EIF2AK4: variants seen among roughly 807,000 people sequenced by gnomAD.
EIF2AK4 encodes eIF-2-alpha kinase GCN2.
In EIF2AK4, 139 loss-of-function variants were observed where a neutral mutation model predicts 211.1. That is an observed-to-expected ratio of 0.66 (90% CI 0.57 to 0.76). The LOEUF (loss-of-function observed/expected upper bound fraction) is 0.76, where lower values mean the gene tolerates loss of function less well. Among genes scored for constraint, EIF2AK4 ranks in the 30% least tolerant of loss-of-function variants. EIF2AK4 has a pLI of 0.00. For synonymous variants in EIF2AK4, 710 were observed against 751.3 expected (o/e 0.94, Z 0.90); for missense variants, 1,664 against 2,043.8 (o/e 0.81, Z 3.58).
chr15:39,951,093 A>T (rs1015408989), intron 4 of EIF2AK4, among the ~76,000 whole-genome samples: 5 of 152,246 alleles, frequency 3.3e-5, no homozygotes, highest in Admixed American at 2.6e-4. Context: ...CCCATAGGAA[A>T]AAAATATTTA....
chr15:39,956,899 A>T (rs1396199858), intron 6 of EIF2AK4, among the ~76,000 whole-genome samples: 1 of 152,194 alleles, frequency 6.6e-6, no homozygotes, highest in Non-Finnish European at 1.5e-5. Context: ...GAGCCATTTT[A>T]GTTCTTTCCC....
chr15:39,968,341 C>T (rs2034573500), intron 9 of EIF2AK4, among the ~76,000 whole-genome samples: 2 of 152,278 alleles, frequency 1.3e-5, no homozygotes, highest in Admixed American at 1.3e-4. Context: ...AAATAACTTC[C>T]TTAGTCTAGC....
intron 9 of EIF2AK4, among the ~76,000 whole-genome samples, chr15:39,970,591 G>A (rs1206677901): frequency 2.0e-5 from 3 of 152,032 alleles, no homozygotes; most frequent in African/African-American, 7.2e-5. Context: ...AATGAAAAAA[G>A]CAAGCTGAAG....
chr15:39,976,485 C>A lies in EIF2AK4; in HGVS notation c.1890C>A (p.Phe630Leu). 6.2e-7 allele frequency: 1 copy of A among 1,611,936 alleles called. No individual in the cohort carries two copies. The change falls in exon 12 of 39, where the codon TTC (phenylalanine) becomes TTA (leucine). Residue 630 changes from phenylalanine to leucine, a missense_variant. Around this residue, in one of 7 missense-constraint regions of EIF2AK4, gnomAD observed 37 missense variants for 84.0 expected, o/e 0.44. Transcript: ENST00000263791. ...CCATCAACCCGGCCAGCCGGCAGTT[C>A]CGCAGGATCAAGGGCGAAGTGACAC... Reference protein sequence around the residue: ...RIPINPASRQFRRIKGEVTLL... With the variant: ...RIPINPASRQLRRIKGEVTLL...
chr15:40,017,539 A>G lies in EIF2AK4; in HGVS notation c.4065+297A>G, dbSNP rs1321315615. ...TATATATATATATATATATATATATATATATATATATATATGTATTTTGGA... is the reference window on the plus strand; with the variant it reads ...TATATATATATATATATATATATATGTATATATATATATATGTATTTTGGA... On this transcript the variant is annotated intron_variant, in intron 29 of 38. Coordinates refer to ENST00000263791, the MANE Select transcript of EIF2AK4 (RefSeq NM_001013703.4). 2.3e-3 allele frequency among the ~76,000 whole-genome samples: 111 copies of G among 49,092 alleles called. 8 individuals carry two copies. The highest frequency in any genetic ancestry group is 6.2e-3 in the African/African-American group (93 of 14,920). 32.2% of individuals were successfully genotyped at this position (49,092 alleles called of 152,430 possible).
chr15:39,985,481 A>G (rs542240848), intron 13 of EIF2AK4, among the ~76,000 whole-genome samples: 197 of 152,340 alleles, frequency 1.3e-3, no homozygotes, highest in African/African-American at 4.6e-3. Context: ...CAAATAAACT[A>G]GAAAATCTAG....
In EIF2AK4 at chr15:40,017,501, C is replaced by CTATATATATATATA. The variant is rs202237104; in HGVS notation, c.4065+299_4065+312dup. Reference sequence around the variant, plus strand: ...GGCTCATGTACCCTTTACTCTGTTTCTATATATATATATATATATATATAT... The same window carrying CTATATATATATATA: ...GGCTCATGTACCCTTTACTCTGTTTCTATATATATATATATATATATATATATATATATATATAT... On this transcript the variant is annotated intron_variant, in intron 29 of 38. Coordinates refer to ENST00000263791, the MANE Select transcript of EIF2AK4 (RefSeq NM_001013703.4). Among the ~76,000 whole-genome samples the CTATATATATATATA allele has an allele frequency of 6.1e-4, 16 of 26,068 alleles. 1 individual carries two copies. Among genetic ancestry groups the CTATATATATATATA allele is most frequent in the South Asian group, 1.3e-3 (1 of 774 alleles). 17.1% of individuals were successfully genotyped at this position (26,068 alleles called of 152,430 possible).
In EIF2AK4 at chr15:39,939,712, C is replaced by T. The variant is rs1179480009; in HGVS notation, c.257+95C>T. ...AATTCGTAGTATTTTCTCCTTCCTGCTCCCATTCCACATAAAATTTCATTT... is the reference window on the plus strand; with the variant it reads ...AATTCGTAGTATTTTCTCCTTCCTGTTCCCATTCCACATAAAATTTCATTT... On this transcript the variant is annotated intron_variant, in intron 2 of 38. Coordinates refer to ENST00000263791, the MANE Select transcript of EIF2AK4 (RefSeq NM_001013703.4). 3 of 924,254 alleles carry T rather than the reference C, an allele frequency of 3.2e-6. No individual in the cohort carries two copies. The African/African-American group carries it at 5.1e-5, about 16-fold the overall frequency. The allele number at this position is 924,254 out of a possible 1,614,324, so 57.3% of individuals were successfully genotyped here.
intron 8 of EIF2AK4, among the ~76,000 whole-genome samples, chr15:39,966,345 T>C (rs1481407914): frequency 6.6e-6 from 1 of 151,620 alleles, no homozygotes. Context: ...GGCACATACT[T>C]GTGGTCCCAG....
rs147754133 is a variant in EIF2AK4 at position 39,987,429 on chromosome 15, G to A, written c.2404-554G>A. Among the ~76,000 whole-genome samples the A allele has an allele frequency of 5.7e-3, 874 of 152,318 alleles. 12 individuals carry two copies. Among genetic ancestry groups the A allele is most frequent in the African/African-American group, 0.02 (845 of 41,570 alleles). Reference sequence around the variant, plus strand: ...AGGCTAGTTTCATAAATCAAATGGTGCATGTTGATTTAAGATTTAAGTCAT... The same window carrying A: ...AGGCTAGTTTCATAAATCAAATGGTACATGTTGATTTAAGATTTAAGTCAT... On this transcript the variant is annotated intron_variant, in intron 14 of 38. Coordinates refer to ENST00000263791, the MANE Select transcript of EIF2AK4 (RefSeq NM_001013703.4).
intron 27 of EIF2AK4, among the ~76,000 whole-genome samples, chr15:40,016,044 A>G (rs566499695): frequency 6.6e-6 from 1 of 152,334 alleles, no homozygotes; most frequent in South Asian, 2.1e-4. Context: ...AAGGTTGCAA[A>G]TAGGAATGAT....
At chr15:39,999,836 C>A (rs1243165799) in intron 20 of EIF2AK4, among the ~76,000 whole-genome samples, 1 of 152,124 alleles carries the variant, frequency 6.6e-6, no homozygotes, top group Non-Finnish European at 1.5e-5. Flanking sequence ...ATGACAAGGT[C>A]AGTCTTATTT....
chr15:39,977,439 T>G (rs960599238), intron 12 of EIF2AK4: 2 of 152,264 alleles, frequency 1.3e-5, no homozygotes, highest in African/African-American at 4.8e-5. Context: ...GAGGTGGAGC[T>G]CAGGCCTTAA....
intron 13 of EIF2AK4, among the ~76,000 whole-genome samples, chr15:39,984,262 G>A (rs971999075): frequency 2.6e-5 from 4 of 152,204 alleles, no homozygotes; most frequent in Non-Finnish European, 5.9e-5. Flanking sequence ...TAGCCTTGTA[G>A]TATAGTTTGA....
In EIF2AK4 at chr15:39,939,595, T is replaced by C; in HGVS notation, c.235T>C (p.Cys79Arg). The change falls in exon 2 of 39, where the codon TGC becomes CGC. Residue 79 changes from cysteine to arginine, a missense_variant. By Grantham distance (180) the Cys-to-Arg change is radical (BLOSUM62 -3). Around this residue, in one of 7 missense-constraint regions of EIF2AK4, gnomAD observed 641 missense variants for 729.6 expected, o/e 0.88. Coordinates refer to ENST00000263791, the MANE Select transcript of EIF2AK4 (RefSeq NM_001013703.4). ...TGTAAAAGTGGATTTGAGGGTTAAA[T>C]GCCCACCTACCTATCCAGATGTGTG... ...VYVKVDLRVK[C>R]PPTYPDVVPE... 1 of 1,612,574 alleles carries C rather than the reference T, an allele frequency of 6.2e-7. No individual in the cohort carries two copies. Among genetic ancestry groups the C allele is most frequent in the Non-Finnish European group, 8.5e-7 (1 of 1,179,034 alleles).
intron 27 of EIF2AK4, among the ~76,000 whole-genome samples, chr15:40,011,628 T>C (rs1301288795): frequency 1.3e-5 from 2 of 152,220 alleles, no homozygotes; most frequent in Admixed American, 6.5e-5. Context: ...TCACCCCTTA[T>C]AGAGCTGTGC....
In EIF2AK4 at chr15:39,967,528, A is replaced by G; in HGVS notation, c.1202A>G (p.Gln401Arg). 6.2e-7 allele frequency: 1 copy of G among 1,614,044 alleles called. No individual in the cohort carries two copies. The highest frequency in any genetic ancestry group is 8.5e-7 in the Non-Finnish European group (1 of 1,180,002). Reference sequence around the variant, plus strand: ...CACTCAGGCCCCATCCCTGTGCATCAGCTTCGCAGGTACACAGCTCAGCTC... The same window carrying G: ...CACTCAGGCCCCATCCCTGTGCATCGGCTTCGCAGGTACACAGCTCAGCTC... ...LSHSGPIPVH[Q>R]LRRYTAQLLS... The change falls in exon 9 of 39, where the codon CAG (glutamine) becomes CGG (arginine). Residue 401 changes from glutamine (Q) to arginine (R), a missense_variant. Gln to Arg is a conservative substitution (Grantham distance 43, BLOSUM62 1). This residue lies in a region of EIF2AK4 where 641 missense variants were observed against 729.6 expected (regional missense o/e 0.88). Transcript: ENST00000263791.
intron 25 of EIF2AK4, among the ~76,000 whole-genome samples, chr15:40,009,109 G>GTTTT (rs59180267): frequency 3.5e-5 from 5 of 144,436 alleles, no homozygotes; most frequent in African/African-American, 1.0e-4. Flanking sequence ...GTTTTGTTTT[G>GTTTT]GAGACAGTGT....
chr15:39,963,157 C>A (rs1174670492), intron 7 of EIF2AK4, among the ~76,000 whole-genome samples: 3 of 152,190 alleles, frequency 2.0e-5, no homozygotes, highest in African/African-American at 7.2e-5. Flanking sequence ...AGTAAAGGAT[C>A]CTGCACATAG....
Sources: allele counts gnomAD v4.1 joint callset (sites outside exome capture counted in the v4.1 genomes callset), GRCh38; gene constraint gnomAD v4.1.1; regional missense constraint gnomAD v4.1.1; transcripts MANE v1.5; gene names NCBI Gene and HGNC (gene_info 2026-07-23, HGNC 2026-07-21).